The following HERC2 variants were observed in gnomAD, a reference collection of about 807,000 sequenced individuals.
HERC2 encodes E3 ubiquitin-protein ligase HERC2.
A neutral mutation model predicts 537.7 loss-of-function variants in HERC2; 102 were observed. The observed-to-expected ratio is 0.19, with a 90% confidence interval of 0.16 to 0.22. The LOEUF (loss-of-function observed/expected upper bound fraction) is 0.22, where lower values mean the gene tolerates loss of function less well. HERC2 is among the 10% of genes least tolerant of loss of function. HERC2 has a pLI of 1.00. For missense variants in HERC2, 4,236 were observed against 6,198.2 expected (o/e 0.68, Z 10.63); for synonymous variants, 2,224 against 2,466.2 (o/e 0.90, Z 2.91).
chr15:28,252,792 A>C (rs1053669028), intron 20 of HERC2, among the ~76,000 whole-genome samples: 3 of 152,234 alleles, frequency 2.0e-5, no homozygotes, highest in Admixed American at 2.0e-4. Context: ...TGCAAAATAG[A>C]ATTTACTAAA....
intron 52 of HERC2, among the ~76,000 whole-genome samples, chr15:28,192,709 C>T (rs150341586): frequency 7.2e-5 from 11 of 152,320 alleles, no homozygotes; most frequent in East Asian, 5.8e-4. Flanking sequence ...ACGCACACCA[C>T]GGATCAGAGG....
In HERC2 at chr15:28,115,538, A is replaced by T; in HGVS notation, c.13613T>A (p.Val4538Glu). The T allele has an allele frequency of 6.2e-7, 1 of 1,611,888 alleles. No homozygotes were observed. The highest frequency in any genetic ancestry group is 8.5e-7 in the Non-Finnish European group (1 of 1,178,164). The part of the protein sequence containing the change: ...VHSSMFRFLG[V>E]LLGIAIRTGS... Reference sequence around the variant, plus strand: ...GGTTCGGATGGCAATGCCCAGCAACACACCTGATCATTCAGGACACAAGTG... The same window carrying T: ...GGTTCGGATGGCAATGCCCAGCAACTCACCTGATCATTCAGGACACAAGTG... The change falls in exon 89 of 93, where the codon GTG (valine) becomes GAG (glutamate). Residue 4538 changes from valine (V) to glutamate (E), a missense_variant. Coordinates refer to ENST00000261609, the MANE Select transcript of HERC2 (RefSeq NM_004667.6).
chr15:28,227,675 T>G (rs772796548), intron 35 of HERC2, among the ~76,000 whole-genome samples: 7 of 152,166 alleles, frequency 4.6e-5, no homozygotes, highest in Non-Finnish European at 1.0e-4. Context: ...GAAACAAGCA[T>G]TCAAACAAGT....
chr15:28,139,913 A>G (rs11856335), intron 78 of HERC2, among the ~76,000 whole-genome samples: 123,513 of 148,594 alleles, frequency 0.83, 55,377 homozygotes, highest in Non-Finnish European at 0.99. Context: ...AAAAAAAAAA[A>G]AAAGATTAGC....
intron 63 of HERC2, 114 bp from the exon 64 acceptor site, chr15:28,175,770 A>C (rs1566972603): frequency 2.0e-6 from 2 of 984,710 alleles, no homozygotes; most frequent in African/African-American, 3.2e-5. Context: ...CATCACACAC[A>C]GCACCCAAGG....
chr15:28,288,564 T>C (rs865930894), intron 4 of HERC2, among the ~76,000 whole-genome samples: 1 of 145,032 alleles, frequency 6.9e-6, no homozygotes, highest in African/African-American at 2.6e-5. Context: ...AGGCCAGGTG[T>C]GGTGGCTCAC....
Position 28,176,938 on chromosome 15 carries a change from G to T in HERC2, c.9432+12C>A. On this transcript the variant is annotated intron_variant, in intron 61 of 92. Coordinates refer to ENST00000261609, the MANE Select transcript of HERC2 (RefSeq NM_004667.6). The surrounding 1 kb of genome is among the most constrained non-coding windows in gnomAD (Gnocchi z 5.0). ...TAAGCTTTCTGCAAGCAACAAAAAT[G>T]CGTATAATCACCATTTTGGGCTTTA... 1 of 1,605,950 alleles carries T rather than the reference G, an allele frequency of 6.2e-7. No individual in the cohort carries two copies. The highest frequency in any genetic ancestry group is 8.5e-7 in the Non-Finnish European group (1 of 1,174,078).
At chr15:28,311,229 C>A (rs560214516) in intron 2 of HERC2, among the ~76,000 whole-genome samples, 183 of 151,612 alleles carry the variant, frequency 1.2e-3, no homozygotes, top group Admixed American at 0.012. Flanking sequence ...GTCTGGGAGG[C>A]CGAGGTGGGC....
chr15:28,240,147 A>C (rs142517992), intron 23 of HERC2, among the ~76,000 whole-genome samples: 4 of 152,140 alleles, frequency 2.6e-5, no homozygotes, highest in African/African-American at 4.8e-5. Flanking sequence ...CAGAGGGCGC[A>C]GTGGCTCACG....
chr15:28,297,657 C>T, intron 3 of HERC2, among the ~76,000 whole-genome samples: 1 of 152,082 alleles, frequency 6.6e-6, no homozygotes, highest in Non-Finnish European at 1.5e-5. Context: ...AGAACAGGCG[C>T]AATTTGTCAA....
chr15:28,320,114 A>G (rs1056186338), intron 2 of HERC2: 3 of 151,282 alleles, frequency 2.0e-5, no homozygotes, highest in African/African-American at 7.3e-5. Flanking sequence ...CCCATCATCC[A>G]CAACAGCTTT....
Position 28,186,635 on chromosome 15 carries a change from C to A in HERC2, c.8767G>T (p.Val2923Phe). ...IRAEEEDLAAVPFLASDNEEE... is the reference protein window; with the variant it reads ...IRAEEEDLAAFPFLASDNEEE... ...TCATTATCCGAAGCTAAGAAAGGAA[C>A]TGCAGCCAAATCTTCCTCTTCTGCA... The change falls in exon 56 of 93, where the codon GTT becomes TTT. Residue 2923 changes from valine (V) to phenylalanine (F), a missense_variant. Transcript: ENST00000261609. 1.2e-6 allele frequency: 2 copies of A among 1,614,162 alleles called. No individual in the cohort carries two copies. Among genetic ancestry groups the A allele is most frequent in the Non-Finnish European group, 1.7e-6 (2 of 1,180,020 alleles).
rs747177493 is a variant in HERC2 at position 28,116,647 on chromosome 15, A to G, written c.13609+18T>C. Reference sequence around the variant, plus strand: ...CACAGGCCACAGCGACACAGTCTCAAGCGGCCGAGAAGCTCACCCAGGAAG... The same window carrying G: ...CACAGGCCACAGCGACACAGTCTCAGGCGGCCGAGAAGCTCACCCAGGAAG... On this transcript the variant is annotated intron_variant, in intron 88 of 92. Coordinates refer to ENST00000261609, the MANE Select transcript of HERC2 (RefSeq NM_004667.6). The G allele has an allele frequency of 3.1e-6, 5 of 1,596,376 alleles. No homozygotes were observed. In the South Asian group the frequency reaches 3.4e-5, roughly 11 times the overall value.
Position 28,116,781 on chromosome 15 carries a change from G to C in HERC2, c.13493C>G (p.Thr4498Arg). The C allele has an allele frequency of 6.2e-7, 1 of 1,613,826 alleles. No homozygotes were observed. The highest frequency in any genetic ancestry group is 8.5e-7 in the Non-Finnish European group (1 of 1,179,944). The change falls in exon 88 of 93, where the codon ACG (threonine) becomes AGG (arginine). Residue 4498 changes from threonine to arginine, a missense_variant. By Grantham distance (71) the Thr-to-Arg change is moderately conservative. Transcript: ENST00000261609. ...GTTGGGTGTCACGATCAGCAGGGGC[G>C]TGAGTCCGTTCTGCAGCTCCTCACA... The part of the protein sequence containing the change: ...EICEELQNGL[T>R]PLLIVTPNGR...
chr15:28,292,056 C>A (rs1182312069), intron 4 of HERC2, among the ~76,000 whole-genome samples: 1 of 150,918 alleles, frequency 6.6e-6, no homozygotes, highest in East Asian at 2.0e-4. Flanking sequence ...AGTGAAACTT[C>A]GTCTCTACTA....
intron 44 of HERC2, 151 bp from the exon 45 acceptor site, chr15:28,206,533 G>C (rs531490005): frequency 1.2e-5 from 7 of 576,646 alleles, no homozygotes; most frequent in African/African-American, 9.7e-5. Context: ...TTCAGACATC[G>C]AACAAAAACT....
At chr15:28,314,271 G>C (rs1304390574) in intron 2 of HERC2, among the ~76,000 whole-genome samples, 1 of 152,102 alleles carries the variant, frequency 6.6e-6, no homozygotes, top group East Asian at 1.9e-4. Context: ...CCTGAAAACA[G>C]AAATATAAAG....
intron 66 of HERC2, among the ~76,000 whole-genome samples, chr15:28,168,859 T>C (rs1894415530): frequency 6.6e-6 from 1 of 152,234 alleles, no homozygotes; most frequent in African/African-American, 2.4e-5. Context: ...AATGAGACTC[T>C]GGCTCTCCCT....
chr15:28,280,788 G>A (rs1325642434), intron 4 of HERC2, among the ~76,000 whole-genome samples: 1 of 152,058 alleles, frequency 6.6e-6, no homozygotes, highest in South Asian at 2.1e-4. Flanking sequence ...CGCACGCCTG[G>A]AATTCCAGCT....
Sources: allele counts gnomAD v4.1 joint callset (sites outside exome capture counted in the v4.1 genomes callset), GRCh38; gene constraint gnomAD v4.1.1; non-coding constraint Gnocchi (gnomAD v3.1); transcripts MANE v1.5; gene names NCBI Gene and HGNC (gene_info 2026-07-23, HGNC 2026-07-21).